Variants in ALK observed in about 807,000 individuals in gnomAD.
ALK encodes ALK tyrosine kinase receptor.
In ALK, 74 loss-of-function variants were observed where a neutral mutation model predicts 163.1. The ratio of observed to expected loss-of-function variants is 0.45; its 90% CI spans 0.38 to 0.55. The LOEUF (loss-of-function observed/expected upper bound fraction) is 0.55, where lower values mean the gene tolerates loss of function less well. Among genes scored for constraint, ALK ranks in the 20% least tolerant of loss-of-function variants. ALK has a pLI of 0.00. For synonymous variants in ALK, 960 were observed against 843.2 expected (o/e 1.14, Z -2.40); for missense variants, 2,063 against 2,105.3 (o/e 0.98, Z 0.39).
At chr2:29,768,725 G>A (rs1236488384) in intron 1 of ALK, among the ~76,000 whole-genome samples, 3 of 142,054 alleles carry the variant, frequency 2.1e-5, no homozygotes, top group South Asian at 4.5e-4. Context: ...GTGTGTGTGT[G>A]TGTGTGTGTG....
At chr2:29,370,318 C>T (rs1286621390) in intron 5 of ALK, among the ~76,000 whole-genome samples, 1 of 152,100 alleles carries the variant, frequency 6.6e-6, no homozygotes, top group African/African-American at 2.4e-5. Flanking sequence ...AAACTGGCCC[C>T]CTCTAAGGGA....
At chr2:29,856,219 C>T (rs1433177208) in intron 1 of ALK, among the ~76,000 whole-genome samples, 1 of 152,034 alleles carries the variant, frequency 6.6e-6, no homozygotes, top group Admixed American at 6.5e-5. Context: ...TTTGTGGCCT[C>T]GGACAAATGA....
intron 5 of ALK, among the ~76,000 whole-genome samples, chr2:29,341,760 G>A (rs1667798742): frequency 6.6e-6 from 1 of 152,222 alleles, no homozygotes; most frequent in Non-Finnish European, 1.5e-5. Context: ...ATGTAAGAAG[G>A]TTTGGTGTTA....
chr2:29,577,143 C>T (rs1674547380), intron 3 of ALK, among the ~76,000 whole-genome samples: 1 of 152,106 alleles, frequency 6.6e-6, no homozygotes, highest in Non-Finnish European at 1.5e-5. Context: ...ATGCATGGCA[C>T]CCGCCTCGGG....
chr2:29,288,951 C>CAAAAAAAAAAAAAAAAA (rs770578645), intron 9 of ALK, among the ~76,000 whole-genome samples: 3 of 24,196 alleles, frequency 1.2e-4, no homozygotes, highest in Non-Finnish European at 2.7e-4. Context: ...GACTCCTTCT[C>CAAAAAAAAAAAAAAAAA]AAAAAAATAA....
chr2:29,374,673 C>A (rs567830278), intron 5 of ALK, among the ~76,000 whole-genome samples: 15 of 152,018 alleles, frequency 9.9e-5, no homozygotes, highest in African/African-American at 2.9e-4. Flanking sequence ...CTGCAGGGGG[C>A]GCAGATGGAA....
At chr2:29,853,409 C>T (rs1160902251) in intron 1 of ALK, among the ~76,000 whole-genome samples, 5 of 152,190 alleles carry the variant, frequency 3.3e-5, no homozygotes, top group Admixed American at 6.5e-5. Context: ...CACCTTCTCT[C>T]ACCTGGACAG....
intron 3 of ALK, among the ~76,000 whole-genome samples, chr2:29,555,794 C>A (rs1673838844): frequency 6.6e-6 from 1 of 152,046 alleles, no homozygotes; most frequent in South Asian, 2.1e-4. Context: ...AGCAGAAATG[C>A]TTGAACTTTG....
chr2:29,217,765 T>G (rs1262174782), intron 23 of ALK, among the ~76,000 whole-genome samples: 1 of 152,134 alleles, frequency 6.6e-6, no homozygotes, highest in East Asian at 1.9e-4. Context: ...AGGGAACCCC[T>G]GGGAGTATCA....
chr2:29,783,442 G>A (rs1047681265), intron 1 of ALK, among the ~76,000 whole-genome samples: 1 of 152,170 alleles, frequency 6.6e-6, no homozygotes, highest in African/African-American at 2.4e-5. Context: ...CTCAGTAAGT[G>A]TCAACCTGTC....
chr2:29,436,200 A>G (rs1670392198), intron 4 of ALK, among the ~76,000 whole-genome samples: 2 of 152,184 alleles, frequency 1.3e-5, no homozygotes, highest in South Asian at 2.1e-4. Context: ...AATAAAATAG[A>G]TATTGAGCCT....
chr2:29,449,090 C>A (rs192691840), intron 4 of ALK, among the ~76,000 whole-genome samples: 2 of 152,190 alleles, frequency 1.3e-5, no homozygotes, highest in African/African-American at 4.8e-5. Context: ...CTTCCAATAG[C>A]TGCAGGTAGC....
At chr2:29,845,407 CTT>C (rs1399465217) in intron 1 of ALK, among the ~76,000 whole-genome samples, 1 of 150,378 alleles carries the variant, frequency 6.6e-6, no homozygotes, top group African/African-American at 2.5e-5. Flanking sequence ...AGACAGGTGT[CTT>C]TGCTGCAAGG....
chr2:29,554,587 A>T (rs1161048969), intron 3 of ALK, among the ~76,000 whole-genome samples: 1 of 152,190 alleles, frequency 6.6e-6, no homozygotes, highest in Non-Finnish European at 1.5e-5. Context: ...AAAGGGAAGG[A>T]AGATCTGGCA....
intron 1 of ALK, among the ~76,000 whole-genome samples, chr2:29,898,976 T>G (rs542061696): frequency 6.6e-6 from 1 of 152,248 alleles, no homozygotes; most frequent in South Asian, 2.1e-4. Context: ...GAGCCTCTGC[T>G]TTTTTTCAGA....
intron 1 of ALK, among the ~76,000 whole-genome samples, chr2:29,827,330 C>G (rs978166490): frequency 6.6e-6 from 1 of 152,198 alleles, no homozygotes; most frequent in East Asian, 1.9e-4. Flanking sequence ...CTGTCTAATG[C>G]AAAACCCAAT....
At chr2:29,893,203 C>G (rs1043102635) in intron 1 of ALK, among the ~76,000 whole-genome samples, 6 of 152,124 alleles carry the variant, frequency 3.9e-5, no homozygotes, top group African/African-American at 1.4e-4. Flanking sequence ...ACTTTCCATT[C>G]AGAAAAAGAT....
intron 4 of ALK, among the ~76,000 whole-genome samples, chr2:29,523,209 C>G (rs1021235620): frequency 3.9e-5 from 6 of 152,190 alleles, no homozygotes; most frequent in African/African-American, 1.4e-4. Flanking sequence ...CGTGCACTCT[C>G]TGTGTGGAAT....
At chr2:29,543,173 G>C (rs1673459984) in intron 3 of ALK, among the ~76,000 whole-genome samples, 1 of 152,178 alleles carries the variant, frequency 6.6e-6, no homozygotes, top group Non-Finnish European at 1.5e-5. Context: ...CAGAGGCTTG[G>C]AGCTCCTGGG....
Sources: gnomAD v4.1 joint callset for allele counts (sites outside exome capture counted in the v4.1 genomes callset) on GRCh38, gnomAD v4.1.1 for gene constraint, MANE v1.5 for transcripts, NCBI Gene and HGNC (gene_info 2026-07-23, HGNC 2026-07-21) for gene names.